Variants in CEBPG observed in about 807,000 individuals in gnomAD.
CEBPG encodes CCAAT enhancer binding protein gamma.
In CEBPG, 6 loss-of-function variants were observed where a neutral mutation model predicts 11.1. The observed-to-expected ratio is 0.54, with a 90% CI of 0.30 to 1.07. The LOEUF (loss-of-function observed/expected upper bound fraction) is 1.07, where lower values mean the gene tolerates loss of function less well. CEBPG is among the 50% of genes least tolerant of loss of function. CEBPG has a pLI of 0.07. For synonymous variants in CEBPG, 66 were observed against 71.0 expected (o/e 0.93, Z 0.36); for missense variants, 161 against 187.4 (o/e 0.86, Z 0.82).
At chr19:33,377,286 A>G (rs1967922791) in intron 1 of CEBPG, among the ~76,000 whole-genome samples, 1 of 152,224 alleles carries the variant, frequency 6.6e-6, no homozygotes, top group Non-Finnish European at 1.5e-5. Flanking sequence ...ACAGCCATGG[A>G]AGAAAAGAGA....
intron 1 of CEBPG, among the ~76,000 whole-genome samples, chr19:33,376,887 TTAA>T (rs1437810631): frequency 6.6e-6 from 1 of 152,236 alleles, no homozygotes; most frequent in African/African-American, 2.4e-5. Context: ...TTTTACTTGG[TTAA>T]TCTTCACTTT....
Position 33,379,995 on chromosome 19 carries a change from A to G in CEBPG, c.*303A>G, listed in dbSNP as rs1362258437. ...CTTAATAAATCCTGACTTCCCAAGAAATGCTTCTTTTTTAAGTTGACAAAA... is the reference window on the plus strand; with the variant it reads ...CTTAATAAATCCTGACTTCCCAAGAGATGCTTCTTTTTTAAGTTGACAAAA... On this transcript the variant is annotated 3_prime_UTR_variant, in exon 2 of 2. Transcript: ENST00000284000. The G allele has an allele frequency of 7.9e-6, 2 of 252,586 alleles. No homozygotes were observed. Among genetic ancestry groups the G allele is most frequent in the East Asian group, 1.6e-4 (2 of 12,858 alleles). 15.6% of individuals were successfully genotyped at this position (252,586 alleles called of 1,614,324 possible). A position where few individuals can be genotyped will look rare whatever the true frequency, so the allele number is the denominator to read the frequency against.
rs146371727 is a variant in CEBPG, at chr19:33,379,674, C to T, written c.435C>T (p.Gly145=). 4.0e-5 allele frequency: 65 copies of T among 1,611,486 alleles called. No homozygotes were observed. Among genetic ancestry groups the T allele is most frequent in the East Asian group, 8.9e-5 (4 of 44,804 alleles). ...GCACTGAAAATACGACAGCAGATGG[C>T]GACAATGCAGGACAGTAGACCTCAC... ...SISTENTTAD[G]DNAGQ Residue 145 remains glycine, a synonymous_variant, in exon 2 of 2, where the codon GGC becomes GGT. Transcript: ENST00000284000.
rs1173734351 is a variant in CEBPG at position 33,380,616 on chromosome 19, TTCTC to T, written c.*926_*929del. ...TTGGAATATTAATTCAGAAGGTAGT[TTCTC>T]TTGTGTTCAAAATAGCTGCCATGGG... is the stretch of plus-strand genomic sequence containing the variant. On this transcript the variant is annotated 3_prime_UTR_variant, in exon 2 of 2. Coordinates refer to ENST00000284000, the MANE Select transcript of CEBPG (RefSeq NM_001806.4). 2 of 167,004 alleles carry T rather than the reference TTCTC, an allele frequency of 1.2e-5. No homozygotes were observed. The highest frequency in any genetic ancestry group is 2.9e-5 in the Non-Finnish European group (2 of 68,114). The allele number at this position is 167,004 out of a possible 1,614,324, so 10.3% of individuals were successfully genotyped here.
chr19:33,381,036 T>C lies in CEBPG; in HGVS notation c.*1344T>C, dbSNP rs116563073. 5.6e-4 allele frequency: 93 copies of C among 167,156 alleles called. No individual in the cohort carries two copies. Among genetic ancestry groups the C allele is most frequent in the African/African-American group, 2.1e-3 (88 of 41,588 alleles). 10.4% of individuals were successfully genotyped at this position (167,156 alleles called of 1,614,324 possible). On this transcript the variant is annotated 3_prime_UTR_variant, in exon 2 of 2. Transcript: ENST00000284000. ...CTGGCTTACGTCAGTGTTGGTAGTTTAGATTGTCTTTGTCAACGTTTTTTC... is the reference window on the plus strand; with the variant it reads ...CTGGCTTACGTCAGTGTTGGTAGTTCAGATTGTCTTTGTCAACGTTTTTTC...
In CEBPG at chr19:33,382,195, G is replaced by T. The variant is rs565293172; in HGVS notation, c.*2503G>T. The T allele has an allele frequency of 1.8e-5, 3 of 167,304 alleles. No individual in the cohort carries two copies. The highest frequency in any genetic ancestry group is 7.2e-5 in the African/African-American group (3 of 41,590). 10.4% of individuals were successfully genotyped at this position (167,304 alleles called of 1,614,324 possible). On this transcript the variant is annotated 3_prime_UTR_variant, in exon 2 of 2. Coordinates refer to ENST00000284000, the MANE Select transcript of CEBPG (RefSeq NM_001806.4). ...TGCTCTTTGGCTGGTTTTGGCTGCG[G>T]ATGGTGAGATCAGAGCAGCTCTTCC...
At chr19:33,378,363 TC>T (rs1328972313) in intron 1 of CEBPG, among the ~76,000 whole-genome samples, 5 of 152,200 alleles carry the variant, frequency 3.3e-5, no homozygotes, top group Admixed American at 6.5e-5. Flanking sequence ...GACCCGCACT[TC>T]CTTGGATGCA....
chr19:33,375,139 T>C (rs1967897289), intron 1 of CEBPG, among the ~76,000 whole-genome samples: 1 of 152,202 alleles, frequency 6.6e-6, no homozygotes, highest in Non-Finnish European at 1.5e-5. Context: ...CTTGGCTGGT[T>C]CAGTTATTTT....
At position 33,379,908 on chromosome 19, in the gene CEBPG, A is replaced by C. The variant is rs779716975; in HGVS notation, c.*216A>C. 1.5e-5 allele frequency: 7 copies of C among 465,576 alleles called. No individual in the cohort carries two copies. The highest frequency in any genetic ancestry group is 2.7e-5 in the Non-Finnish European group (7 of 257,396). The allele number at this position is 465,576 out of a possible 1,614,324, so 28.8% of individuals were successfully genotyped here. Reference sequence around the variant, plus strand: ...TTAAATGATAGAGGTTTTTGTGGGAATCAAAATCCCCCAAATGTTAAGGTA... The same window carrying C: ...TTAAATGATAGAGGTTTTTGTGGGACTCAAAATCCCCCAAATGTTAAGGTA... On this transcript the variant is annotated 3_prime_UTR_variant, in exon 2 of 2. Transcript: ENST00000284000.
In CEBPG at chr19:33,380,732, A is replaced by G. The variant is rs999768546; in HGVS notation, c.*1040A>G. 3.0e-5 allele frequency: 5 copies of G among 166,832 alleles called. No homozygotes were observed. Among genetic ancestry groups the G allele is most frequent in the Non-Finnish European group, 7.3e-5 (5 of 68,130 alleles). The allele number at this position is 166,832 out of a possible 1,614,324, so 10.3% of individuals were successfully genotyped here. A position where few individuals can be genotyped will look rare whatever the true frequency, so the allele number is the denominator to read the frequency against. ...AAGTGATTATTAGAGAAATGTATCA[A>G]CTCCATGCCATCTCCCAAAATAATT... On this transcript the variant is annotated 3_prime_UTR_variant, in exon 2 of 2. Coordinates refer to ENST00000284000, the MANE Select transcript of CEBPG (RefSeq NM_001806.4).
chr19:33,377,001 AG>A (rs1967919365), intron 1 of CEBPG, among the ~76,000 whole-genome samples: 1 of 152,220 alleles, frequency 6.6e-6, no homozygotes, highest in East Asian at 1.9e-4. Flanking sequence ...ACCAGTTTGT[AG>A]GTTCAGTGAA....
At position 33,379,696 on chromosome 19, in the gene CEBPG, T is replaced by G. The variant is rs779165125; in HGVS notation, c.*4T>G. ...TGGCGACAATGCAGGACAGTAGACC[T>G]CACCCTTTCCAGACTTTAGAGCTTG... On this transcript the variant is annotated 3_prime_UTR_variant, in exon 2 of 2. Coordinates refer to ENST00000284000, the MANE Select transcript of CEBPG (RefSeq NM_001806.4). The G allele has an allele frequency of 6.3e-7, 1 of 1,577,836 alleles. No individual in the cohort carries two copies. Among genetic ancestry groups the G allele is most frequent in the Non-Finnish European group, 8.6e-7 (1 of 1,168,808 alleles).
chr19:33,377,725 A>T (rs1600063180), intron 1 of CEBPG, among the ~76,000 whole-genome samples: 1 of 152,154 alleles, frequency 6.6e-6, no homozygotes, highest in African/African-American at 2.4e-5. Flanking sequence ...GTTTGGAGGG[A>T]TGCTTTTTGT....
intron 1 of CEBPG, among the ~76,000 whole-genome samples, chr19:33,376,941 A>G (rs1238596350): frequency 6.6e-6 from 1 of 152,226 alleles, no homozygotes; most frequent in East Asian, 1.9e-4. Context: ...TAAACAAAAC[A>G]TTCTTGGAGT....
In CEBPG at chr19:33,379,337, A is replaced by T. The variant is rs1408763354; in HGVS notation, c.98A>T (p.Gln33Leu). The T allele has an allele frequency of 1.7e-5, 28 of 1,613,804 alleles. No individual in the cohort carries two copies. Among genetic ancestry groups the T allele is most frequent in the Non-Finnish European group, 2.2e-5 (26 of 1,179,946 alleles). ...AHASGLQQVP[Q>L]LVPAGPGGGG... Reference sequence around the variant, plus strand: ...GCCAGCGGCTTACAGCAGGTTCCTCAGCTGGTGCCTGCTGGCCCTGGGGGA... The same window carrying T: ...GCCAGCGGCTTACAGCAGGTTCCTCTGCTGGTGCCTGCTGGCCCTGGGGGA... Residue 33 changes from glutamine to leucine, a missense_variant, in exon 2 of 2, where the codon CAG (glutamine) becomes CTG (leucine). Physicochemically the swap from Gln to Leu is moderately radical, Grantham distance 113. Transcript: ENST00000284000.
chr19:33,376,058 A>G (rs1967907847), intron 1 of CEBPG, among the ~76,000 whole-genome samples: 1 of 145,148 alleles, frequency 6.9e-6, no homozygotes, highest in African/African-American at 2.8e-5. Flanking sequence ...GTAGATGGGA[A>G]GTTTTTTTTT....
At chr19:33,378,633 C>G (rs1279311018) in intron 1 of CEBPG, among the ~76,000 whole-genome samples, 1 of 152,194 alleles carries the variant, frequency 6.6e-6, no homozygotes, top group East Asian at 1.9e-4. Context: ...TGGGAGAGAA[C>G]TCAAGTCCTC....
At position 33,379,198 on chromosome 19, in the gene CEBPG, C is replaced by G. The variant is rs368368840; in HGVS notation, c.-42C>G. 3.2e-5 allele frequency: 48 copies of G among 1,491,808 alleles called. No individual in the cohort carries two copies. In the African/African-American group the frequency reaches 6.0e-4, roughly 19 times the overall value. 92.4% of individuals were successfully genotyped at this position (1,491,808 alleles called of 1,614,324 possible). ...CGTGGAAACCATTGATCACCCTGCT[C>G]TCATTTCTACCTGTTCTGTGTTGGC... On this transcript the variant is annotated 5_prime_UTR_variant, in exon 2 of 2. Coordinates refer to ENST00000284000, the MANE Select transcript of CEBPG (RefSeq NM_001806.4).
At position 33,381,447 on chromosome 19, in the gene CEBPG, T is replaced by C. The variant is rs922020938; in HGVS notation, c.*1755T>C. ...TCCCAGGAGGGCTGTTAACTCCCTA[T>C]AGAGCCAGGAGACAGGATAGGGGTT... is the stretch of plus-strand genomic sequence containing the variant. On this transcript the variant is annotated 3_prime_UTR_variant, in exon 2 of 2. Coordinates refer to ENST00000284000, the MANE Select transcript of CEBPG (RefSeq NM_001806.4). 9 of 166,936 alleles carry C rather than the reference T, an allele frequency of 5.4e-5. No homozygotes were observed. The highest frequency in any genetic ancestry group is 1.5e-5 in the Non-Finnish European group (1 of 68,094). 10.3% of individuals were successfully genotyped at this position (166,936 alleles called of 1,614,324 possible). A position where few individuals can be genotyped will look rare whatever the true frequency, so the allele number is the denominator to read the frequency against.
Sources: allele counts gnomAD v4.1 joint callset (sites outside exome capture counted in the v4.1 genomes callset), GRCh38; gene constraint gnomAD v4.1.1; transcripts MANE v1.5; gene names NCBI Gene and HGNC (gene_info 2026-07-23, HGNC 2026-07-21).